FARS2: variants seen among roughly 807,000 people sequenced by gnomAD.
The protein encoded by FARS2 is phenylalanine--tRNA ligase, mitochondrial.
A neutral mutation model predicts 46.4 loss-of-function variants in FARS2; 40 were observed. The ratio of observed to expected loss-of-function variants is 0.86; its 90% CI spans 0.67 to 1.12. The LOEUF (loss-of-function observed/expected upper bound fraction) is 1.12, where lower values mean the gene tolerates loss of function less well. FARS2 is among the 50% of genes most tolerant of loss of function. The pLI is 0.00. For synonymous variants in FARS2, 234 were observed against 214.9 expected, an observed-to-expected ratio of 1.09 and a Z score of -0.78; for missense variants, 513 against 567.9, an observed-to-expected ratio of 0.90 and a Z score of 0.98.
intron 4 of FARS2, among the ~76,000 whole-genome samples, chr6:5,473,252 C>T (rs771106754): frequency 1.3e-5 from 2 of 150,918 alleles, no homozygotes; most frequent in African/African-American, 2.4e-5. Flanking sequence ...CCTGGCCAGG[C>T]GCGGTGGCTC....
chr6:5,576,595 A>G (rs1039073000), intron 5 of FARS2, among the ~76,000 whole-genome samples: 1 of 147,126 alleles, frequency 6.8e-6, no homozygotes, highest in Non-Finnish European at 1.5e-5. Context: ...TACTCTATAT[A>G]TGATATATTA....
chr6:5,521,522 A>G (rs1769134721), intron 4 of FARS2, among the ~76,000 whole-genome samples: 1 of 152,208 alleles, frequency 6.6e-6, no homozygotes, highest in South Asian at 2.1e-4. Flanking sequence ...TAGCTGTCAG[A>G]TGAATGCACA....
intron 6 of FARS2, among the ~76,000 whole-genome samples, chr6:5,729,617 C>T (rs1012869836): frequency 6.6e-6 from 1 of 152,038 alleles, no homozygotes; most frequent in African/African-American, 2.4e-5. Context: ...TTGTCCTCCT[C>T]GGTACTCAGA....
intron 5 of FARS2, among the ~76,000 whole-genome samples, chr6:5,588,638 T>C (rs1298556481): frequency 2.0e-5 from 3 of 152,220 alleles, no homozygotes; most frequent in African/African-American, 7.2e-5. Context: ...GTTCAACCAA[T>C]GGGTTCCACT....
chr6:5,342,342 G>C (rs548891693), intron 1 of FARS2, among the ~76,000 whole-genome samples: 1 of 152,188 alleles, frequency 6.6e-6, no homozygotes, highest in African/African-American at 2.4e-5. Flanking sequence ...GAAGACTGTG[G>C]TGCATTTATT....
chr6:5,719,459 A>AAAGAG (rs1554129051), intron 6 of FARS2, among the ~76,000 whole-genome samples: 3 of 130,326 alleles, frequency 2.3e-5, no homozygotes, highest in African/African-American at 2.6e-5. Flanking sequence ...AGAGATAAAG[A>AAAGAG]AAAGAGAAGA....
chr6:5,581,829 T>G (rs1270527141), intron 5 of FARS2, among the ~76,000 whole-genome samples: 5 of 152,136 alleles, frequency 3.3e-5, no homozygotes, highest in Non-Finnish European at 7.4e-5. Flanking sequence ...TTCTAAATGG[T>G]CACAGTAACA....
chr6:5,628,507 G>A (rs1214722631), intron 6 of FARS2, among the ~76,000 whole-genome samples: 2 of 152,218 alleles, frequency 1.3e-5, no homozygotes, highest in Non-Finnish European at 1.5e-5. Context: ...GGGACTCCAC[G>A]CTTTGGCCCC....
At position 5,652,753 on chromosome 6, in the gene FARS2, A is replaced by G. The variant is rs189622415; in HGVS notation, c.1217+39433A>G. ...AAATGGCCAGATGTGGGGCATAGCTAATGTGGGTAGAGCACCTCCCGCGGC... is the reference window on the plus strand; with the variant it reads ...AAATGGCCAGATGTGGGGCATAGCTGATGTGGGTAGAGCACCTCCCGCGGC... On this transcript the variant is annotated intron_variant, in intron 6 of 6. Coordinates refer to ENST00000274680, the MANE Select transcript of FARS2 (RefSeq NM_006567.5). Among the ~76,000 whole-genome samples the G allele has an allele frequency of 1.9e-3, 292 of 152,278 alleles. 2 individuals carry two copies. Among genetic ancestry groups the G allele is most frequent in the African/African-American group, 6.8e-3 (281 of 41,564 alleles).
chr6:5,632,300 T>A (rs1361161157), intron 6 of FARS2, among the ~76,000 whole-genome samples: 6 of 152,142 alleles, frequency 3.9e-5, no homozygotes, highest in Non-Finnish European at 8.8e-5. Flanking sequence ...ATGCTACAAA[T>A]CTATTTTAAG....
chr6:5,324,496 A>T (rs1581784688), intron 1 of FARS2, among the ~76,000 whole-genome samples: 3 of 121,290 alleles, frequency 2.5e-5, no homozygotes, highest in Admixed American at 1.0e-4. Context: ...ATTCCATCCT[A>T]CTATTCTGGG....
rs143662929 is a variant in FARS2, at chr6:5,771,346, C to T, written c.1273C>T (p.Leu425=). Residue 425 remains leucine (L), a synonymous_variant, in exon 7 of 7, where the codon CTG becomes TTG. Coordinates refer to ENST00000274680, the MANE Select transcript of FARS2 (RefSeq NM_006567.5). ...RITYRHMERT[L]SQREVRHIHQ... Reference sequence around the variant, plus strand: ...CACGTACCGCCACATGGAACGGACTCTGTCCCAGAGAGAGGTCAGGCACAT... The same window carrying T: ...CACGTACCGCCACATGGAACGGACTTTGTCCCAGAGAGAGGTCAGGCACAT... 2.1e-5 allele frequency: 34 copies of T among 1,614,038 alleles called. No individual in the cohort carries two copies. In the African/African-American group the frequency reaches 4.3e-4, roughly 20 times the overall value.
intron 6 of FARS2, among the ~76,000 whole-genome samples, chr6:5,761,341 T>C (rs905365127): frequency 6.6e-6 from 1 of 152,240 alleles, no homozygotes; most frequent in South Asian, 2.1e-4. Flanking sequence ...CCCCTCACAC[T>C]ACCACTGTGT....
rs565851123 is a variant in FARS2, at chr6:5,447,361, C to T, written c.904+16189C>T. On this transcript the variant is annotated intron_variant, in intron 4 of 6. Transcript: ENST00000274680. ...TGAAGGAGCAGATTAGTTCTGATTG[C>T]AGCTTTCCTAAGCATAATTGACACA... 2.6e-5 allele frequency among the ~76,000 whole-genome samples: 4 copies of T among 152,290 alleles called. No homozygotes were observed. The East Asian group carries it at 7.7e-4, about 29-fold the overall frequency.
At chr6:5,751,326 G>A (rs1384123614) in intron 6 of FARS2, among the ~76,000 whole-genome samples, 4 of 152,122 alleles carry the variant, frequency 2.6e-5, no homozygotes, top group African/African-American at 9.7e-5. Flanking sequence ...TTTAGGTGCT[G>A]TTATCCTGGG....
rs1246165423 is a variant in FARS2, at chr6:5,643,505, C to T, written c.1217+30185C>T. Among the ~76,000 whole-genome samples the T allele has an allele frequency of 2.6e-5, 4 of 152,160 alleles. No individual in the cohort carries two copies. In the South Asian group the frequency reaches 8.3e-4, roughly 31 times the overall value. On this transcript the variant is annotated intron_variant, in intron 6 of 6. Transcript: ENST00000274680. Reference sequence around the variant, plus strand: ...AGTGATGCCGACATTCGTTCATTCACTCGGTAAACATTTCCTCACTGTGTT... The same window carrying T: ...AGTGATGCCGACATTCGTTCATTCATTCGGTAAACATTTCCTCACTGTGTT...
chr6:5,439,024 G>A (rs1435867535), intron 4 of FARS2, among the ~76,000 whole-genome samples: 2 of 152,188 alleles, frequency 1.3e-5, no homozygotes, highest in African/African-American at 4.8e-5. Context: ...TGCTGTTTTA[G>A]TAGGGTGATC....
At chr6:5,691,770 A>G (rs908456699) in intron 6 of FARS2, among the ~76,000 whole-genome samples, 2 of 152,316 alleles carry the variant, frequency 1.3e-5, no homozygotes, top group Non-Finnish European at 1.5e-5. Flanking sequence ...TTGTTTGGCT[A>G]TGCATGCCCC....
At chr6:5,688,871 A>G (rs951783752) in intron 6 of FARS2, among the ~76,000 whole-genome samples, 1 of 152,138 alleles carries the variant, frequency 6.6e-6, no homozygotes, top group Admixed American at 6.5e-5. Context: ...TATTGCCTCA[A>G]TTTCAGAGCC....
Sources: gnomAD v4.1 joint callset for allele counts (sites outside exome capture counted in the v4.1 genomes callset) on GRCh38, gnomAD v4.1.1 for gene constraint, MANE v1.5 for transcripts, NCBI Gene and HGNC (gene_info 2026-07-23, HGNC 2026-07-21) for gene names.